Variants in CAND2 observed in about 807,000 individuals in gnomAD.
CAND2 encodes cullin-associated NEDD8-dissociated protein 2.
In CAND2, 62 loss-of-function variants were observed where a neutral mutation model predicts 98.9. The ratio of observed to expected loss-of-function variants is 0.63; its 90% CI spans 0.51 to 0.77. The LOEUF is 0.77. CAND2 is among the 30% of genes least tolerant of loss of function. The pLI, the probability that CAND2 is intolerant of heterozygous loss-of-function variation, is 0.00. For synonymous variants in CAND2, 770 were observed against 731.9 expected, an observed-to-expected ratio of 1.05 and a Z score of -0.84; for missense variants, 1,501 against 1,655.2, an observed-to-expected ratio of 0.91 and a Z score of 1.62.
intron 11 of CAND2, among the ~76,000 whole-genome samples, chr3:12,822,855 C>T (rs541326120): frequency 1.3e-5 from 2 of 152,304 alleles, no homozygotes; most frequent in South Asian, 2.1e-4. Context: ...CAAACACATA[C>T]GTGTATACAT....
At chr3:12,824,478 T>C (rs903048630) in intron 11 of CAND2, among the ~76,000 whole-genome samples, 2 of 152,194 alleles carry the variant, frequency 1.3e-5, no homozygotes, top group East Asian at 3.9e-4. Context: ...CTCCCTCCCA[T>C]GATCACTGAC....
chr3:12,820,221 C>T, intron 11 of CAND2, 40 bp downstream of exon 11: 1 of 1,456,078 alleles, frequency 6.9e-7, no homozygotes, highest in Non-Finnish European at 9.6e-7. Context: ...TGTTCAGTGC[C>T]CCCACCCAGT....
At position 12,815,356 on chromosome 3, in the gene CAND2, C is replaced by A. The variant is rs769701239; in HGVS notation, c.1222C>A (p.Gln408Lys). ...TTACATCGTGCTGCTGCGGCAAACA[C>A]AGCCCCCGAAGGGATGGCTGGAGGC... is the stretch of plus-strand genomic sequence containing the variant. ...TAYIVLLRQT[Q>K]PPKGWLEAME... is the part of the protein sequence containing the mutation. The change falls in exon 8 of 15, where the codon CAG becomes AAG. Residue 408 changes from glutamine to lysine, a missense_variant. By Grantham distance (53) the Gln-to-Lys change is moderately conservative. Around this residue, in one of 3 missense-constraint regions of CAND2, gnomAD observed 1,427 missense variants for 1,545.3 expected, o/e 0.92. Coordinates refer to ENST00000456430, the MANE Select transcript of CAND2 (RefSeq NM_001162499.2). The surrounding 1 kb of genome is among the most constrained non-coding windows in gnomAD (Gnocchi z 5.7). 2.5e-6 allele frequency: 4 copies of A among 1,613,850 alleles called. No individual in the cohort carries two copies. The highest frequency in any genetic ancestry group is 3.4e-6 in the Non-Finnish European group (4 of 1,180,040).
Position 12,810,184 on chromosome 3 carries a change from G to T in CAND2, c.617G>T (p.Cys206Phe). Residue 206 changes from cysteine (C) to phenylalanine (F), a missense_variant, in exon 5 of 15, where the codon TGC (cysteine) becomes TTC (phenylalanine). Physicochemically the swap from Cys to Phe is radical, Grantham distance 205. Coordinates refer to ENST00000456430, the MANE Select transcript of CAND2 (RefSeq NM_001162499.2). ...VGALGHLAAA[C>F]STDLFVELAD... ...GCGCTTGGCCACCTGGCGGCCGCCT[G>T]CAGCACCGACCTCTTCGTCGAGCTC... 1 of 1,538,040 alleles carries T rather than the reference G, an allele frequency of 6.5e-7. No homozygotes were observed. The highest frequency in any genetic ancestry group is 8.7e-7 in the Non-Finnish European group (1 of 1,147,700).
At chr3:12,809,519 C>T (rs1334845414) in intron 4 of CAND2, among the ~76,000 whole-genome samples, 1 of 152,028 alleles carries the variant, frequency 6.6e-6, no homozygotes, top group African/African-American at 2.4e-5. Context: ...AATGCACGGG[C>T]CTCGTTTGAA....
intron 14 of CAND2, 95 bp from the exon 15 acceptor site, chr3:12,833,660 T>C: frequency 4.2e-6 from 4 of 949,524 alleles, no homozygotes; most frequent in South Asian, 1.4e-5. Flanking sequence ...TTGGGGAAGA[T>C]GATGGGGCAG....
chr3:12,811,763 G>A (rs1013762337), intron 5 of CAND2, among the ~76,000 whole-genome samples: 1 of 152,054 alleles, frequency 6.6e-6, no homozygotes, highest in Non-Finnish European at 1.5e-5. Flanking sequence ...GTAGAGACGG[G>A]GTTTAACTAT....
In CAND2 at chr3:12,824,244, T is replaced by A. The variant is rs185548682; in HGVS notation, c.3041-1226T>A. ...TAGAACTTAAAGTATAATAAAAAAATTTTTTTTAAGTTTAAACTCTATATC... is the reference window on the plus strand; with the variant it reads ...TAGAACTTAAAGTATAATAAAAAAAATTTTTTTAAGTTTAAACTCTATATC... On this transcript the variant is annotated intron_variant, in intron 11 of 14. Coordinates refer to ENST00000456430, the MANE Select transcript of CAND2 (RefSeq NM_001162499.2). 2.5e-3 allele frequency among the ~76,000 whole-genome samples: 383 copies of A among 152,208 alleles called. 1 individual carries two copies. Among genetic ancestry groups the A allele is most frequent in the African/African-American group, 8.1e-3 (337 of 41,548 alleles).
intron 12 of CAND2, among the ~76,000 whole-genome samples, chr3:12,826,516 C>T (rs2062000767): frequency 6.6e-6 from 1 of 152,078 alleles, no homozygotes; most frequent in South Asian, 2.1e-4. Flanking sequence ...CAGCCTCGAC[C>T]TCCTGGGCTC....
Position 12,803,666 on chromosome 3 carries a change from C to T in CAND2, c.212+35C>T, listed in dbSNP as rs756136822. The T allele has an allele frequency of 4.5e-6, 7 of 1,549,742 alleles. No homozygotes were observed. The African/African-American group carries it at 9.6e-5, about 21-fold the overall frequency. ...AGCCTCGGTGGAGCAGGAGAGGGGG[C>T]CCTACCTTGTGTGGGAGCATCCTGG... On this transcript the variant is annotated intron_variant, in intron 2 of 14. Transcript: ENST00000456430.
At chr3:12,821,633 C>T (rs905008196) in intron 11 of CAND2, among the ~76,000 whole-genome samples, 4 of 151,010 alleles carry the variant, frequency 2.6e-5, no homozygotes, top group African/African-American at 4.9e-5. Flanking sequence ...GCACCACCAG[C>T]GACCTTCACA....
At position 12,834,271 on chromosome 3, in the gene CAND2, T is replaced by C. The variant is rs1454098797; in HGVS notation, c.*289T>C. On this transcript the variant is annotated 3_prime_UTR_variant, in exon 15 of 15. Coordinates refer to ENST00000456430, the MANE Select transcript of CAND2 (RefSeq NM_001162499.2). ...AGTGACTTCACACTGTACCCCTCCA[T>C]AGTCTGTCTGGTTCCTTCAGAGGGT... The C allele has an allele frequency of 7.3e-6, 3 of 412,130 alleles. No individual in the cohort carries two copies. The highest frequency in any genetic ancestry group is 4.3e-5 in the East Asian group (1 of 23,180). 25.5% of individuals were successfully genotyped at this position (412,130 alleles called of 1,614,324 possible).
intron 11 of CAND2, among the ~76,000 whole-genome samples, chr3:12,822,298 CT>C (rs532826939): frequency 5.9e-4 from 78 of 131,978 alleles, no homozygotes; most frequent in East Asian, 1.5e-3. Flanking sequence ...ATGTTTCAAT[CT>C]TTTTTTTTTT....
chr3:12,817,304 A>G lies in CAND2; in HGVS notation c.2372A>G (p.Asp791Gly). 1 of 1,613,882 alleles carries G rather than the reference A, an allele frequency of 6.2e-7. No homozygotes were observed. The highest frequency in any genetic ancestry group is 2.2e-5 in the East Asian group (1 of 44,876). Residue 791 changes from aspartate to glycine, a missense_variant, in exon 10 of 15, where the codon GAT becomes GGT. Asp to Gly is a moderately conservative substitution (Grantham distance 94, BLOSUM62 -1). Around this residue, in one of 3 missense-constraint regions of CAND2, gnomAD observed 1,427 missense variants for 1,545.3 expected, o/e 0.92. Coordinates refer to ENST00000456430, the MANE Select transcript of CAND2 (RefSeq NM_001162499.2). ...LTAPVYEQAV[D>G]GGPGLHKQVF... ...GCGCCTGTTTATGAGCAGGCTGTGG[A>G]TGGTGGGCCTGGCCTGCACAAGCAG...
In CAND2 at chr3:12,810,211, C is replaced by T. The variant is rs1282128857; in HGVS notation, c.644C>T (p.Ala215Val). The change falls in exon 5 of 15, where the codon GCT becomes GTT. Residue 215 changes from alanine to valine, a missense_variant. Around this residue, in one of 3 missense-constraint regions of CAND2, gnomAD observed 1,427 missense variants for 1,545.3 expected, o/e 0.92. Transcript: ENST00000456430. ...AGCACCGACCTCTTCGTCGAGCTCGCTGACCACCTACTGGACCGGCTGCCC... is the reference window on the plus strand; with the variant it reads ...AGCACCGACCTCTTCGTCGAGCTCGTTGACCACCTACTGGACCGGCTGCCC... ...ACSTDLFVEL[A>V]DHLLDRLPGP... is the part of the protein sequence containing the mutation. 1.3e-6 allele frequency: 2 copies of T among 1,543,424 alleles called. No homozygotes were observed. Among genetic ancestry groups the T allele is most frequent in the African/African-American group, 1.4e-5 (1 of 71,448 alleles).
chr3:12,831,300 A>G (rs1483066311), intron 13 of CAND2, among the ~76,000 whole-genome samples, 165 bp from the exon 14 acceptor site: 1 of 151,844 alleles, frequency 6.6e-6, no homozygotes, highest in African/African-American at 2.4e-5. Flanking sequence ...AAGTGTCACC[A>G]TTTGAGGAAA....
chr3:12,806,216 G>A lies in CAND2; in HGVS notation c.213-1090G>A, dbSNP rs114436212. On this transcript the variant is annotated intron_variant, in intron 2 of 14. Transcript: ENST00000456430. Reference sequence around the variant, plus strand: ...TGAATATGTAATCTCATCTGTGTAGGAGGATCGCTTGAGCCCAGGAGTTTG... The same window carrying A: ...TGAATATGTAATCTCATCTGTGTAGAAGGATCGCTTGAGCCCAGGAGTTTG... 9.4e-3 allele frequency among the ~76,000 whole-genome samples: 1,430 copies of A among 152,294 alleles called. 20 individuals carry two copies. The highest frequency in any genetic ancestry group is 0.013 in the Non-Finnish European group (871 of 68,022).
At chr3:12,830,739 T>G (rs992755294) in intron 13 of CAND2, among the ~76,000 whole-genome samples, 1 of 152,184 alleles carries the variant, frequency 6.6e-6, no homozygotes, top group Non-Finnish European at 1.5e-5. Context: ...GGAGACGGAA[T>G]CTTGTCTAGT....
Position 12,825,714 on chromosome 3 carries a change from T to C in CAND2, c.3210+75T>C, listed in dbSNP as rs2061994146. 4.1e-6 allele frequency: 6 copies of C among 1,454,958 alleles called. No homozygotes were observed. The East Asian group carries it at 1.5e-4, about 36-fold the overall frequency. 90.1% of individuals were successfully genotyped at this position (1,454,958 alleles called of 1,614,324 possible). On this transcript the variant is annotated intron_variant, in intron 12 of 14. Coordinates refer to ENST00000456430, the MANE Select transcript of CAND2 (RefSeq NM_001162499.2). ...CTCATGCCTCACTGTTAGGGCATTA[T>C]TATCTCATCAGAGCAGGTGCCGGGG...
Sources: gnomAD v4.1 joint callset for allele counts (sites outside exome capture counted in the v4.1 genomes callset) on GRCh38, gnomAD v4.1.1 for gene constraint, gnomAD v4.1.1 regional missense constraint, Gnocchi (gnomAD v3.1) non-coding constraint, MANE v1.5 for transcripts, NCBI Gene and HGNC (gene_info 2026-07-23, HGNC 2026-07-21) for gene names.